DCLRE1C: variants seen among roughly 807,000 people sequenced by gnomAD.
DCLRE1C encodes the protein DNA cross-link repair 1C.
Under a neutral mutation model 61.4 loss-of-function variants are expected in DCLRE1C, and 47 were observed. The ratio of observed to expected loss-of-function variants is 0.77; its 90% CI spans 0.61 to 0.98. The LOEUF is 0.98. Ranked by LOEUF, DCLRE1C falls within the 50% of genes least tolerant of loss-of-function variation. The probability of loss-of-function intolerance (pLI) is 0.00; values close to 1 mark genes in which losing one functional copy is unlikely to be tolerated. For synonymous variants in DCLRE1C, 337 were observed against 287.6 expected, an observed-to-expected ratio of 1.17 and a Z score of -1.74; for missense variants, 858 against 816.0, an observed-to-expected ratio of 1.05 and a Z score of -0.63.
exon 14 of DCLRE1C, chr10:14,898,198 G>GTTTT (rs1833728015): frequency 3.1e-5 from 2 of 64,396 alleles, no homozygotes; most frequent in East Asian, 4.9e-4. Context: ...AGGTAGTACT[G>GTTTT]TTTCTTTTTT....
At chr10:14,951,770 A>G (rs1842499538) in intron 1 of DCLRE1C, among the ~76,000 whole-genome samples, 1 of 152,186 alleles carries the variant, frequency 6.6e-6, no homozygotes, top group Non-Finnish European at 1.5e-5. Context: ...TAATCCTATC[A>G]GAGTAGGACA....
chr10:14,922,856 T>C, intron 12 of DCLRE1C, 125 bp downstream of exon 12: 1 of 741,072 alleles, frequency 1.3e-6, no homozygotes, highest in South Asian at 1.5e-5. Context: ...GAAATGAGTA[T>C]CAGTTCAGAA....
intron 9 of DCLRE1C, among the ~76,000 whole-genome samples, 179 bp downstream of exon 9, chr10:14,932,675 C>T (rs189785135): frequency 4.2e-4 from 64 of 152,106 alleles, no homozygotes; most frequent in Admixed American, 3.4e-3. Context: ...TTACTAGTGA[C>T]GAAAAGTGTG....
chr10:14,910,399 T>C (rs913444991), intron 13 of DCLRE1C, among the ~76,000 whole-genome samples: 1 of 152,148 alleles, frequency 6.6e-6, no homozygotes, highest in African/African-American at 2.4e-5. Flanking sequence ...CAAAGTTGTT[T>C]TTTGAGTTTT....
rs932230754 is a variant in DCLRE1C at position 14,905,387 on chromosome 10, G to A, written c.*3021C>T. 6.6e-6 allele frequency among the ~76,000 whole-genome samples: 1 copy of A among 152,220 alleles called. No homozygotes were observed. The highest frequency in any genetic ancestry group is 2.4e-5 in the African/African-American group (1 of 41,460). On this transcript the variant is annotated 3_prime_UTR_variant, in exon 14 of 14. Coordinates refer to ENST00000378278, the MANE Select transcript of DCLRE1C (RefSeq NM_001033855.3). ...ACTATGGTAAGTACTGCCTAGAAAT[G>A]CAAAGGAATTTTAGAATTCAGAGCT...
At position 14,908,874 on chromosome 10, in the gene DCLRE1C, G is replaced by A; in HGVS notation, c.1613C>T (p.Ser538Phe). The A allele has an allele frequency of 1.2e-6, 2 of 1,614,198 alleles. No homozygotes were observed. The highest frequency in any genetic ancestry group is 2.2e-5 in the East Asian group (1 of 44,876). ...ESTHISSQNSSQSTHITEQGS... is the reference protein window; with the variant it reads ...ESTHISSQNSFQSTHITEQGS... ...TTGTTCTGTTATGTGTGTTGACTGGGAAGAATTCTGGGAGGAGATGTGAGT... is the reference window on the plus strand; with the variant it reads ...TTGTTCTGTTATGTGTGTTGACTGGAAAGAATTCTGGGAGGAGATGTGAGT... The change falls in exon 14 of 14, where the codon TCC becomes TTC. Residue 538 changes from serine to phenylalanine, a missense_variant. Physicochemically the swap from Ser to Phe is radical, Grantham distance 155. Coordinates refer to ENST00000378278, the MANE Select transcript of DCLRE1C (RefSeq NM_001033855.3).
chr10:14,898,798 T>A (rs1833785676), exon 14 of DCLRE1C: 1 of 158,820 alleles, frequency 6.3e-6, no homozygotes, highest in Non-Finnish European at 1.4e-5. Flanking sequence ...AACAAAACCT[T>A]CCATTCCAAA....
At chr10:14,902,835 T>C (rs536191197), downstream of DCLRE1C, 2 of 162,644 alleles carry the variant, frequency 1.2e-5, no homozygotes, top group East Asian at 3.4e-4. Context: ...GTTAAGCTGA[T>C]AATGTAATTA....
chr10:14,949,224 C>T (rs1427486006), intron 1 of DCLRE1C, 137 bp from the exon 2 acceptor site: 1 of 668,868 alleles, frequency 1.5e-6, no homozygotes, highest in Non-Finnish European at 2.7e-6. Context: ...TTCACATGGG[C>T]TATGAGCTCT....
intron 4 of DCLRE1C, among the ~76,000 whole-genome samples, chr10:14,938,931 A>T (rs1840420122): frequency 1.3e-5 from 2 of 152,172 alleles, no homozygotes; most frequent in Admixed American, 1.3e-4. Flanking sequence ...TAAATACATC[A>T]CTGTTAAGGA....
At chr10:14,914,888 C>G (rs1265720590) in intron 13 of DCLRE1C, among the ~76,000 whole-genome samples, 1 of 151,444 alleles carries the variant, frequency 6.6e-6, no homozygotes, top group East Asian at 1.9e-4. Flanking sequence ...TGCAATGAGC[C>G]AAGATTGTGT....
Position 14,919,736 on chromosome 10 carries a change from A to C in DCLRE1C, c.1156+2T>G, listed in dbSNP as rs765047440. 1.2e-6 allele frequency: 2 copies of C among 1,610,642 alleles called. No homozygotes were observed. Among genetic ancestry groups the C allele is most frequent in the Non-Finnish European group, 1.7e-6 (2 of 1,177,692 alleles). On this transcript the variant is annotated splice_donor_variant, in intron 13 of 13. Coordinates refer to ENST00000378278, the MANE Select transcript of DCLRE1C (RefSeq NM_001033855.3). LOFTEE classifies it high-confidence loss of function. ...CTCTGAACCCAGGACCATTTTTCTTACCTGAGTCTCGGTGAACTGTTCTAG... is the reference window on the plus strand; with the variant it reads ...CTCTGAACCCAGGACCATTTTTCTTCCCTGAGTCTCGGTGAACTGTTCTAG...
chr10:14,936,336 TTTTTTTTA>T (rs1245190544), intron 5 of DCLRE1C, among the ~76,000 whole-genome samples, 194 bp downstream of exon 5: 1 of 149,530 alleles, frequency 6.7e-6, no homozygotes, highest in East Asian at 1.9e-4. Flanking sequence ...CTTTTTTTTT[TTTTTTTTA>T]AAAAAAAAAC....
chr10:14,926,769 G>C, intron 11 of DCLRE1C, 74 bp downstream of exon 11: 1 of 1,196,490 alleles, frequency 8.4e-7, no homozygotes, highest in East Asian at 2.3e-5. Context: ...CTGAGAGTCA[G>C]GGGACTACCT....
At chr10:14,925,999 C>T (rs935992780) in intron 11 of DCLRE1C, among the ~76,000 whole-genome samples, 3 of 152,120 alleles carry the variant, frequency 2.0e-5, no homozygotes, top group African/African-American at 7.2e-5. Context: ...GGGCTTTTCC[C>T]CACTTTCACT....
At chr10:14,945,216 C>A in intron 2 of DCLRE1C, 27 bp from the exon 3 acceptor site, 1 of 1,594,450 alleles carries the variant, frequency 6.3e-7, no homozygotes, top group South Asian at 1.1e-5. Flanking sequence ...AAAAAACTTT[C>A]AGTACAATCC....
intron 11 of DCLRE1C, 196 bp from the exon 12 acceptor site, chr10:14,923,265 C>A: frequency 1.7e-6 from 1 of 580,178 alleles, no homozygotes; most frequent in Non-Finnish European, 3.1e-6. Context: ...CAAAGATCTC[C>A]TGAACACTGA....
intron 9 of DCLRE1C, among the ~76,000 whole-genome samples, chr10:14,929,635 C>T (rs746192520): frequency 6.6e-6 from 1 of 151,658 alleles, no homozygotes; most frequent in Non-Finnish European, 1.5e-5. Context: ...GAGCAAGACT[C>T]TATAAAATAA....
Position 14,914,359 on chromosome 10 carries a change from G to C in DCLRE1C, c.1157-5029C>G, listed in dbSNP as rs531468026. Among the ~76,000 whole-genome samples the C allele has an allele frequency of 9.2e-5, 14 of 152,282 alleles. No individual in the cohort carries two copies. In the East Asian group the frequency reaches 2.7e-3, roughly 29 times the overall value. On this transcript the variant is annotated intron_variant, in intron 13 of 13. Transcript: ENST00000378278. ...TTAAACTTGTGTATACCTATTAATA[G>C]TGCCTCAAATAGATGAAGCAAATGC...
Sources: gnomAD v4.1 joint callset for allele counts (sites outside exome capture counted in the v4.1 genomes callset) on GRCh38, gnomAD v4.1.1 for gene constraint, MANE v1.5 for transcripts, NCBI Gene and HGNC (gene_info 2026-07-23, HGNC 2026-07-21) for gene names.